ZNF227: variants seen among roughly 807,000 people sequenced by gnomAD.
ZNF227 encodes zinc finger protein 227.
In ZNF227, 12 loss-of-function variants were observed where a neutral mutation model predicts 13.2. The ratio of observed to expected loss-of-function variants is 0.91; its 90% CI spans 0.58 to 1.47. The LOEUF is 1.47. ZNF227 is among the 40% of genes most tolerant of loss of function. The probability of loss-of-function intolerance (pLI) is 0.00; values close to 1 mark genes in which losing one functional copy is unlikely to be tolerated. For synonymous variants in ZNF227, 338 were observed against 326.0 expected (o/e 1.04, Z -0.40); for missense variants, 885 against 967.5 (o/e 0.91, Z 1.13).
Position 44,235,447 on chromosome 19 carries a change from TATC to T in ZNF227, c.1020_1022del (p.Ile341del), listed in dbSNP as rs1331115356. ...AGGGATTCAGTAGCAGCACGGGTCT[TATC>T]ATTCATTACAGAACTCATACTGGAG... On this transcript the variant is annotated inframe_deletion, in exon 6 of 6. Transcript: ENST00000313040. 5 of 1,614,006 alleles carry T rather than the reference TATC, an allele frequency of 3.1e-6. No homozygotes were observed. The highest frequency in any genetic ancestry group is 1.7e-5 in the Admixed American group (1 of 60,012).
At chr19:44,222,660 T>G (rs2122759786) in intron 3 of ZNF227, among the ~76,000 whole-genome samples, 1 of 150,954 alleles carries the variant, frequency 6.6e-6, no homozygotes, top group East Asian at 1.9e-4. Context: ...AAGGAGATTT[T>G]GGGCTGAGAC....
upstream of ZNF227, among the ~76,000 whole-genome samples, chr19:44,210,584 C>A (rs774947049): frequency 6.6e-6 from 1 of 152,088 alleles, no homozygotes; most frequent in Non-Finnish European, 1.5e-5. Flanking sequence ...GGATGAAGAC[C>A]GTCACCCAGG....
chr19:44,219,370 C>CA (rs1345730404), intron 3 of ZNF227, among the ~76,000 whole-genome samples: 1 of 152,102 alleles, frequency 6.6e-6, no homozygotes, highest in Non-Finnish European at 1.5e-5. Context: ...TGGTAAGAGA[C>CA]AGCAGCAAAC....
chr19:44,228,568 A>G lies in ZNF227; in HGVS notation c.183A>G (p.Ala61=), dbSNP rs1367795142. ...TGGAGAACTTCAAGAACCTGGTTGC[A>G]GTGGGTGAGGACAGGCACTCTCTGA... ...VMVENFKNLV[A]VGHLPFQPDM... The change falls in exon 4 of 6, where the codon GCA becomes GCG. Residue 61 remains alanine (A), a synonymous_variant. Coordinates refer to ENST00000313040, the MANE Select transcript of ZNF227 (RefSeq NM_182490.3). 3 of 1,611,664 alleles carry G rather than the reference A, an allele frequency of 1.9e-6. No individual in the cohort carries two copies. The Admixed American group carries it at 5.1e-5, about 27-fold the overall frequency.
rs892669635 is a variant in ZNF227, at chr19:44,213,964, G to A, written c.-3+720G>A. Among the ~76,000 whole-genome samples, 18 of 152,206 alleles carry A rather than the reference G, an allele frequency of 1.2e-4. 1 individual carries two copies. Among genetic ancestry groups the A allele is most frequent in the African/African-American group, 2.7e-4 (11 of 41,456 alleles). On this transcript the variant is annotated intron_variant, in intron 2 of 5. Transcript: ENST00000313040. ...TGTGTGCCCTAGGAGCACTTGAAAT[G>A]TGTCTAGTCCAAATTGAGATGTGCT...
At chr19:44,212,391 T>TA (rs1555787739), upstream of ZNF227, 3 of 140,868 alleles carry the variant, frequency 2.1e-5, no homozygotes, top group Admixed American at 7.4e-5. Context: ...TTTTTTTTTT[T>TA]CAAGCGCGAA....
rs564589281 is a variant in ZNF227 at position 44,233,759 on chromosome 19, A to G, written c.272-943A>G. Among the ~76,000 whole-genome samples, 4 of 152,240 alleles carry G rather than the reference A, an allele frequency of 2.6e-5. No individual in the cohort carries two copies. In the South Asian group the frequency reaches 8.3e-4, roughly 32 times the overall value. On this transcript the variant is annotated intron_variant, in intron 5 of 5. Transcript: ENST00000313040. ...AAAAATACAAAAATTGGCTGAGTGT[A>G]GTGGCATGCGCCAGTAATCCCCGCT...
intron 3 of ZNF227, among the ~76,000 whole-genome samples, chr19:44,223,889 C>G (rs1457845135): frequency 6.6e-6 from 1 of 152,090 alleles, no homozygotes; most frequent in African/African-American, 2.4e-5. Context: ...CCTGCTTTCT[C>G]TTGTGGGCAT....
intron 3 of ZNF227, among the ~76,000 whole-genome samples, chr19:44,222,772 T>C (rs1351275526): frequency 2.0e-5 from 3 of 151,522 alleles, no homozygotes; most frequent in African/African-American, 4.9e-5. Context: ...TCCTGCCTGA[T>C]TGCCCTGGCC....
At chr19:44,212,267 A>C (rs1221407861), upstream of ZNF227, among the ~76,000 whole-genome samples, 1 of 152,016 alleles carries the variant, frequency 6.6e-6, no homozygotes, top group East Asian at 1.9e-4. Flanking sequence ...CAGCCTGGCT[A>C]AACAGCAATA....
chr19:44,209,964 T>C (rs1971301355), upstream of ZNF227, among the ~76,000 whole-genome samples: 1 of 152,244 alleles, frequency 6.6e-6, no homozygotes, highest in Non-Finnish European at 1.5e-5. Flanking sequence ...GTCCCATTCT[T>C]TACCATGTGC....
intron 2 of ZNF227, chr19:44,213,488 T>G (rs181500966): frequency 5.1e-4 from 78 of 152,340 alleles, no homozygotes; most frequent in African/African-American, 1.7e-3. Flanking sequence ...TATGAGGAAA[T>G]TAGGCAGAGT....
At chr19:44,219,156 G>A (rs1972186134) in intron 3 of ZNF227, among the ~76,000 whole-genome samples, 1 of 152,138 alleles carries the variant, frequency 6.6e-6, no homozygotes, top group African/African-American at 2.4e-5. Flanking sequence ...CAAAGTGCTG[G>A]GATTATAGGC....
chr19:44,214,840 T>C (rs1194178485), intron 2 of ZNF227, among the ~76,000 whole-genome samples: 1 of 151,516 alleles, frequency 6.6e-6, no homozygotes, highest in Non-Finnish European at 1.5e-5. Flanking sequence ...TCCCAACTTC[T>C]GGGCAGCGGA....
chr19:44,226,249 A>T (rs1406140869), intron 3 of ZNF227, among the ~76,000 whole-genome samples: 1 of 152,218 alleles, frequency 6.6e-6, no homozygotes, highest in East Asian at 1.9e-4. Flanking sequence ...TTCAGGAGGC[A>T]GTCTGCCGGA....
chr19:44,219,640 C>T (rs774111065), intron 3 of ZNF227, among the ~76,000 whole-genome samples: 43 of 151,724 alleles, frequency 2.8e-4, no homozygotes, highest in Non-Finnish European at 4.9e-4. Context: ...CCTATTTAGC[C>T]GGGGTCTAGA....
chr19:44,236,961 A>G lies in ZNF227; in HGVS notation c.*131A>G. On this transcript the variant is annotated 3_prime_UTR_variant, in exon 6 of 6. Coordinates refer to ENST00000313040, the MANE Select transcript of ZNF227 (RefSeq NM_182490.3). ...TTTGTTCACACTTGGAATCTTTCTA[A>G]CAAATCCATCAAGATGATAACACAG... 1 of 699,758 alleles carries G rather than the reference A, an allele frequency of 1.4e-6. No individual in the cohort carries two copies. The highest frequency in any genetic ancestry group is 2.0e-5 in the South Asian group (1 of 48,960). 43.3% of individuals were successfully genotyped at this position (699,758 alleles called of 1,614,324 possible). A position where few individuals can be genotyped will look rare whatever the true frequency, so the allele number is the denominator to read the frequency against.
chr19:44,228,636 G>GT (rs1199101568), intron 4 of ZNF227, 64 bp downstream of exon 4: 1 of 1,514,504 alleles, frequency 6.6e-7, no homozygotes, highest in Non-Finnish European at 8.8e-7. Context: ...GCTCTCAGGT[G>GT]TTTAAGGGTT....
At chr19:44,223,104 G>A (rs1160125877) in intron 3 of ZNF227, among the ~76,000 whole-genome samples, 2 of 152,300 alleles carry the variant, frequency 1.3e-5, no homozygotes, top group African/African-American at 4.8e-5. Context: ...TTGCATCCCA[G>A]GGATGAAGCC....
Sources: allele counts gnomAD v4.1 joint callset (sites outside exome capture counted in the v4.1 genomes callset), GRCh38; gene constraint gnomAD v4.1.1; transcripts MANE v1.5; gene names NCBI Gene and HGNC (gene_info 2026-07-23, HGNC 2026-07-21).